MAP3K4: variants seen among roughly 807,000 people sequenced by gnomAD.
MAP3K4 encodes the protein mitogen-activated protein kinase kinase kinase 4.
In MAP3K4, 67 loss-of-function variants were observed where a neutral mutation model predicts 185.6. That is an observed-to-expected ratio of 0.36 (90% CI 0.30 to 0.44). The LOEUF is 0.44. Among genes scored for constraint, MAP3K4 ranks in the 20% least tolerant of loss-of-function variants. MAP3K4 has a pLI of 1.00. For missense variants in MAP3K4, 1,551 were observed against 1,995.1 expected, an observed-to-expected ratio of 0.78 and a Z score of 4.24; for synonymous variants, 702 against 710.4, an observed-to-expected ratio of 0.99 and a Z score of 0.19.
In MAP3K4 at chr6:161,067,015, C is replaced by T. The variant is rs547267816; in HGVS notation, c.1708-3593C>T. Among the ~76,000 whole-genome samples, 2 of 152,282 alleles carry T rather than the reference C, an allele frequency of 1.3e-5. No homozygotes were observed. The highest frequency in any genetic ancestry group is 2.1e-4 in the South Asian group (1 of 4,820). On this transcript the variant is annotated intron_variant, in intron 3 of 26. Transcript: ENST00000392142. This position sits in a 1 kb window ranked among gnomAD's most constrained non-coding sequence, Gnocchi z 6.3. ...AGGCGGTGGAGGGAAGCATTTACAG[C>T]GTCTAAAGCCTTTACTTACACATAC...
rs1785804220 is a variant in MAP3K4, at chr6:161,087,744, G to A, written c.2613G>A (p.Glu871=). 1.2e-6 allele frequency: 2 copies of A among 1,613,870 alleles called. No homozygotes were observed. Among genetic ancestry groups the A allele is most frequent in the Non-Finnish European group, 1.7e-6 (2 of 1,179,860 alleles). Reference sequence around the variant, plus strand: ...TGTTTGTTCCAGACACTCTTGCTGAGGAGAAGAGTATTATTTTGCAGTTAC... The same window carrying A: ...TGTTTGTTCCAGACACTCTTGCTGAAGAGAAGAGTATTATTTTGCAGTTAC... ...LQMFVPDTLA[E]EKSIILQLLN... The change falls in exon 10 of 27, where the codon GAG becomes GAA. Residue 871 remains glutamate (E), a synonymous_variant. Coordinates refer to ENST00000392142, the MANE Select transcript of MAP3K4 (RefSeq NM_005922.4). This position sits in a 1 kb window ranked among gnomAD's most constrained non-coding sequence, Gnocchi z 4.9.
chr6:161,023,846 C>G (rs893546321), intron 1 of MAP3K4, among the ~76,000 whole-genome samples: 1 of 152,140 alleles, frequency 6.6e-6, no homozygotes, highest in African/African-American at 2.4e-5. Flanking sequence ...AGTTTTGGCT[C>G]TTAGTCTTTT....
rs142196384 is a variant in MAP3K4 at position 161,101,979 on chromosome 6, G to A, written c.3762G>A (p.Thr1254=). 1.8e-5 allele frequency: 29 copies of A among 1,613,832 alleles called. No individual in the cohort carries two copies. In the East Asian group the frequency reaches 4.9e-4, roughly 27 times the overall value. ...FRSLSRHSSP[T]EERDEPAYPR... ...CCCTGAGTCGTCACTCAAGCCCCACGGAGGAGCGAGATGGTGAGTGTTTTA... is the reference window on the plus strand; with the variant it reads ...CCCTGAGTCGTCACTCAAGCCCCACAGAGGAGCGAGATGGTGAGTGTTTTA... Residue 1254 remains threonine, a synonymous_variant, in exon 18 of 27, where the codon ACG becomes ACA. Transcript: ENST00000392142. The surrounding 1 kb of genome is among the most constrained non-coding windows in gnomAD (Gnocchi z 5.1).
chr6:161,093,991 G>T lies in MAP3K4; in HGVS notation c.3427+140G>T. The T allele has an allele frequency of 1.6e-6, 1 of 621,702 alleles. No homozygotes were observed. Among genetic ancestry groups the T allele is most frequent in the Admixed American group, 3.1e-5 (1 of 31,966 alleles). The allele number at this position is 621,702 out of a possible 1,614,324, so 38.5% of individuals were successfully genotyped here. A position where few individuals can be genotyped will look rare whatever the true frequency, so the allele number is the denominator to read the frequency against. Reference sequence around the variant, plus strand: ...AAACGACAATGAGAGGGACAGAAATGAGGTGTGTAGATAGAGAACTCCGCA... The same window carrying T: ...AAACGACAATGAGAGGGACAGAAATTAGGTGTGTAGATAGAGAACTCCGCA... On this transcript the variant is annotated intron_variant, in intron 15 of 26. Transcript: ENST00000392142. This position sits in a 1 kb window ranked among gnomAD's most constrained non-coding sequence, Gnocchi z 5.2.
At chr6:161,081,116 T>C in intron 6 of MAP3K4, 78 bp downstream of exon 6, 1 of 1,446,904 alleles carries the variant, frequency 6.9e-7, no homozygotes, top group South Asian at 1.3e-5. Context: ...TTCTCTCCTA[T>C]GTGTTTGTAT....
In MAP3K4 at chr6:161,097,095, G is replaced by A. The variant is rs1777606006; in HGVS notation, c.3443G>A (p.Ser1148Asn). ...TGLYLAIHRN[S>N]PRPMKVPRCH... ...TTGCTGGCAGCCATTCATCGGAACA[G>A]CCCCCGTCCTATGAAGGTACCTCGA... Residue 1148 changes from serine to asparagine, a missense_variant, in exon 16 of 27, where the codon AGC (serine) becomes AAC (asparagine). By Grantham distance (46) the Ser-to-Asn change is conservative (BLOSUM62 1). Coordinates refer to ENST00000392142, the MANE Select transcript of MAP3K4 (RefSeq NM_005922.4). The surrounding 1 kb of genome is among the most constrained non-coding windows in gnomAD (Gnocchi z 4.9). 11 of 1,613,918 alleles carry A rather than the reference G, an allele frequency of 6.8e-6. No homozygotes were observed. The highest frequency in any genetic ancestry group is 9.3e-6 in the Non-Finnish European group (11 of 1,179,980).
chr6:161,116,988 C>A lies in MAP3K4; in HGVS notation c.*118C>A. The A allele has an allele frequency of 1.1e-6, 1 of 919,792 alleles. No homozygotes were observed. Among genetic ancestry groups the A allele is most frequent in the Non-Finnish European group, 1.7e-6 (1 of 578,722 alleles). 57.0% of individuals were successfully genotyped at this position (919,792 alleles called of 1,614,324 possible). On this transcript the variant is annotated 3_prime_UTR_variant, in exon 27 of 27. Coordinates refer to ENST00000392142, the MANE Select transcript of MAP3K4 (RefSeq NM_005922.4). The surrounding 1 kb of genome is among the most constrained non-coding windows in gnomAD (Gnocchi z 6.2). The stretch of plus-strand genomic sequence containing the variant: ...TTTAACCTTCCAAGACTGAAGACTG[C>A]ACAGGTGACAAGCGTCACTTCTCCT...
chr6:161,111,868 A>T lies in MAP3K4; in HGVS notation c.4429A>T (p.Ile1477Phe). The T allele has an allele frequency of 6.2e-7, 1 of 1,613,878 alleles. No homozygotes were observed. The highest frequency in any genetic ancestry group is 8.5e-7 in the Non-Finnish European group (1 of 1,179,920). The change falls in exon 24 of 27, where the codon ATC becomes TTC. Residue 1477 changes from isoleucine (I) to phenylalanine (F), a missense_variant. By Grantham distance (21) the Ile-to-Phe change is conservative (BLOSUM62 0). Transcript: ENST00000392142. Reference sequence around the variant, plus strand: ...TATCTTCCTTACCTCATCTGGATTAATCAAACTGGGAGATTTTGGATGTTC... The same window carrying T: ...TATCTTCCTTACCTCATCTGGATTATTCAAACTGGGAGATTTTGGATGTTC... Reference protein sequence around the residue: ...ANIFLTSSGLIKLGDFGCSVK... With the variant: ...ANIFLTSSGLFKLGDFGCSVK...
At position 161,088,003 on chromosome 6, in the gene MAP3K4, G is replaced by A; in HGVS notation, c.2823+49G>A. On this transcript the variant is annotated intron_variant, in intron 10 of 26. Coordinates refer to ENST00000392142, the MANE Select transcript of MAP3K4 (RefSeq NM_005922.4). This position sits in a 1 kb window ranked among gnomAD's most constrained non-coding sequence, Gnocchi z 4.5. ...AGCAGTGTTACTTCAAGGACTTTTA[G>A]TAAGAATGAACTGTTAGCTGCTCAT... 6.4e-7 allele frequency: 1 copy of A among 1,563,402 alleles called. No individual in the cohort carries two copies. The highest frequency in any genetic ancestry group is 8.6e-7 in the Non-Finnish European group (1 of 1,157,660).
In MAP3K4 at chr6:161,032,493, C is replaced by T. The variant is rs113394605; in HGVS notation, c.153-1766C>T. Among the ~76,000 whole-genome samples the T allele has an allele frequency of 6.7e-3, 1,021 of 152,216 alleles. 3 individuals are homozygous for T. Among genetic ancestry groups the T allele is most frequent in the Non-Finnish European group, 0.012 (789 of 68,000 alleles). On this transcript the variant is annotated intron_variant, in intron 1 of 26. Coordinates refer to ENST00000392142, the MANE Select transcript of MAP3K4 (RefSeq NM_005922.4). The stretch of plus-strand genomic sequence containing the variant: ...TTATTATCCTTATTTTGTAAATGTA[C>T]ACAGAGAGAAAATTTGTCCAAGGTC...
intron 1 of MAP3K4, among the ~76,000 whole-genome samples, chr6:160,999,378 G>A (rs1489456352): frequency 6.6e-6 from 1 of 152,204 alleles, no homozygotes; most frequent in Non-Finnish European, 1.5e-5. Context: ...ACATAAAAAT[G>A]TAGATATAAC....
intron 1 of MAP3K4, among the ~76,000 whole-genome samples, chr6:161,010,617 T>C (rs925545290): frequency 6.6e-6 from 1 of 152,202 alleles, no homozygotes; most frequent in Non-Finnish European, 1.5e-5. Context: ...GCAGATAAGC[T>C]TGACTGTGAC....
chr6:161,113,539 A>G (rs1229433013), intron 25 of MAP3K4, among the ~76,000 whole-genome samples: 1 of 152,156 alleles, frequency 6.6e-6, no homozygotes, highest in African/African-American at 2.4e-5. Context: ...ACAGTAGTGC[A>G]TTGACATTGG....
chr6:161,032,654 A>T (rs1782985194), intron 1 of MAP3K4, among the ~76,000 whole-genome samples: 1 of 152,206 alleles, frequency 6.6e-6, no homozygotes, highest in Non-Finnish European at 1.5e-5. Flanking sequence ...TTTGGTGCTT[A>T]TAGCCATGTT....
rs1003984656 is a variant in MAP3K4, at chr6:161,087,227, T to A, written c.2557-461T>A. ...ATGACCTGCAGCGTGCCACCACATG[T>A]GTACCCTTTGAGAAACTGATCTCAA... On this transcript the variant is annotated intron_variant, in intron 9 of 26. Coordinates refer to ENST00000392142, the MANE Select transcript of MAP3K4 (RefSeq NM_005922.4). This position sits in a 1 kb window ranked among gnomAD's most constrained non-coding sequence, Gnocchi z 4.9. Among the ~76,000 whole-genome samples, 28 of 152,330 alleles carry A rather than the reference T, an allele frequency of 1.8e-4. No homozygotes were observed. Among genetic ancestry groups the A allele is most frequent in the African/African-American group, 6.7e-4 (28 of 41,578 alleles).
At chr6:161,042,944 C>T (rs1372770239) in intron 2 of MAP3K4, among the ~76,000 whole-genome samples, 1 of 149,272 alleles carries the variant, frequency 6.7e-6, no homozygotes, top group Non-Finnish European at 1.5e-5. Flanking sequence ...ACACACACAT[C>T]CCTGTTAGGA....
intron 1 of MAP3K4, among the ~76,000 whole-genome samples, chr6:161,033,354 T>G (rs1438843954): frequency 6.6e-6 from 1 of 152,206 alleles, no homozygotes; most frequent in African/African-American, 2.4e-5. Flanking sequence ...TGCTCTCAAT[T>G]TGTATCATTA....
chr6:161,032,506 T>A (rs1782977255), intron 1 of MAP3K4, among the ~76,000 whole-genome samples: 1 of 152,148 alleles, frequency 6.6e-6, no homozygotes, highest in Admixed American at 6.6e-5. Flanking sequence ...AGAGAGAAAA[T>A]TTGTCCAAGG....
In MAP3K4 at chr6:161,117,146, G is replaced by A. The variant is rs548236987; in HGVS notation, c.*276G>A. ...CCTCTGTCTCCTCCGTGTCTCGCGC[G>A]ACTGAGAACCGTGACATCAGCGTAG... On this transcript the variant is annotated 3_prime_UTR_variant, in exon 27 of 27. Transcript: ENST00000392142. 8.5e-5 allele frequency: 37 copies of A among 434,010 alleles called. No individual in the cohort carries two copies. The highest frequency in any genetic ancestry group is 2.7e-4 in the South Asian group (6 of 22,340). 26.9% of individuals were successfully genotyped at this position (434,010 alleles called of 1,614,324 possible).
Sources: allele counts gnomAD v4.1 joint callset (sites outside exome capture counted in the v4.1 genomes callset), GRCh38; gene constraint gnomAD v4.1.1; non-coding constraint Gnocchi (gnomAD v3.1); transcripts MANE v1.5; gene names NCBI Gene and HGNC (gene_info 2026-07-23, HGNC 2026-07-21).